GALNTL6: variants seen among roughly 807,000 people sequenced by gnomAD.
GALNTL6 encodes the protein polypeptide N-acetylgalactosaminyltransferase like 6, also known as polypeptide N-acetylgalactosaminyltransferase-like 6.
Under a neutral mutation model 73.7 loss-of-function variants are expected in GALNTL6, and 46 were observed. The observed-to-expected ratio is 0.62, with a 90% CI of 0.49 to 0.80. The LOEUF is 0.80. Among genes scored for constraint, GALNTL6 ranks in the 30% least tolerant of loss-of-function variants. The pLI, the probability that GALNTL6 is intolerant of heterozygous loss-of-function variation, is 0.00. For missense variants in GALNTL6, 604 were observed against 755.0 expected (o/e 0.80, Z 2.34); for synonymous variants, 259 against 263.7 (o/e 0.98, Z 0.17).
intron 9 of GALNTL6, among the ~76,000 whole-genome samples, chr4:172,940,805 TG>T (rs1160493691): frequency 6.6e-6 from 1 of 152,130 alleles, no homozygotes; most frequent in Non-Finnish European, 1.5e-5. Flanking sequence ...CCTAGGTAGC[TG>T]GGACTACAGG....
At chr4:172,248,538 G>A (rs1332984623) in intron 3 of GALNTL6, among the ~76,000 whole-genome samples, 1 of 152,138 alleles carries the variant, frequency 6.6e-6, no homozygotes, top group African/African-American at 2.4e-5. Context: ...CAGGCTCCCT[G>A]GAAAGCAGCA....
At chr4:172,719,907 CT>C (rs2111352782) in intron 5 of GALNTL6, among the ~76,000 whole-genome samples, 1 of 152,236 alleles carries the variant, frequency 6.6e-6, no homozygotes, top group East Asian at 1.9e-4. Flanking sequence ...CATGCCTCCC[CT>C]TTTTAGACAA....
rs913943857 is a variant in GALNTL6, at chr4:172,882,705, T to C, written c.924-85T>C. On this transcript the variant is annotated intron_variant, in intron 7 of 12. Transcript: ENST00000506823. ...CCACACAGCTGACCACTAAAACATA[T>C]CTTGAATTTTACTTTTTTCCCAAGG... 1.2e-5 allele frequency: 11 copies of C among 899,234 alleles called. No homozygotes were observed. In the Admixed American group the frequency reaches 1.4e-4, roughly 11 times the overall value. 55.7% of individuals were successfully genotyped at this position (899,234 alleles called of 1,614,324 possible). A position where few individuals can be genotyped will look rare whatever the true frequency, so the allele number is the denominator to read the frequency against.
At chr4:172,925,793 C>T (rs564947992) in intron 8 of GALNTL6, among the ~76,000 whole-genome samples, 1 of 152,274 alleles carries the variant, frequency 6.6e-6, no homozygotes, top group Admixed American at 6.5e-5. Context: ...GATGGAGAAC[C>T]TTGTTGAGCC....
Position 172,825,109 on chromosome 4 carries a change from TCTTTCTTTCTTTCTTTCTTTCTTC to T in GALNTL6, c.923+11396_923+11419del, listed in dbSNP as rs201689144. On this transcript the variant is annotated intron_variant, in intron 7 of 12. Transcript: ENST00000506823. ...TTCTTTCTTTCTTTCTTTCTTTCTT[TCTTTCTTTCTTTCTTTCTTTCTTC>T]CTTTCTTTCCTTTTTGGTCTAATAC... is the stretch of plus-strand genomic sequence containing the variant. 9.3e-4 allele frequency among the ~76,000 whole-genome samples: 137 copies of T among 147,356 alleles called. 2 individuals carry two copies. In the East Asian group the frequency reaches 0.024, roughly 26 times the overall value.
chr4:172,770,168 A>G (rs1738678740), intron 5 of GALNTL6, among the ~76,000 whole-genome samples: 1 of 151,980 alleles, frequency 6.6e-6, no homozygotes, highest in Non-Finnish European at 1.5e-5. Context: ...TGGGAGGCTG[A>G]GGCAGGAGAA....
chr4:172,983,827 A>G (rs567646175), intron 10 of GALNTL6, among the ~76,000 whole-genome samples: 2 of 152,290 alleles, frequency 1.3e-5, no homozygotes, highest in Admixed American at 6.5e-5. Context: ...CCTGATTAGC[A>G]TTACAAATGG....
intron 2 of GALNTL6, among the ~76,000 whole-genome samples, chr4:172,168,477 C>A (rs183165975): frequency 6.6e-6 from 1 of 151,902 alleles, no homozygotes; most frequent in Non-Finnish European, 1.5e-5. Flanking sequence ...CTATCCAGTG[C>A]GGATGATGAT....
chr4:172,482,248 C>T (rs559633191), intron 5 of GALNTL6, among the ~76,000 whole-genome samples: 107 of 152,326 alleles, frequency 7.0e-4, no homozygotes, highest in African/African-American at 2.5e-3. Flanking sequence ...CCCACCTGCG[C>T]CTCTCCCTCC....
Position 172,783,614 on chromosome 4 carries a change from G to A in GALNTL6, c.554-25747G>A, listed in dbSNP as rs192309914. ...GTGGCTTAAAACAACACAATTTATC[G>A]TACAGTTCTGGAAGCCAGAAGTTAA... On this transcript the variant is annotated intron_variant, in intron 5 of 12. Transcript: ENST00000506823. Among the ~76,000 whole-genome samples the A allele has an allele frequency of 4.4e-4, 67 of 151,350 alleles. 1 individual carries two copies. The South Asian group carries it at 5.6e-3, about 13-fold the overall frequency.
chr4:172,200,340 A>G (rs1163412997), intron 2 of GALNTL6, among the ~76,000 whole-genome samples: 7 of 152,324 alleles, frequency 4.6e-5, no homozygotes, highest in African/African-American at 1.4e-4. Flanking sequence ...GCTCATGGCT[A>G]GACATTGATT....
At position 172,809,622 on chromosome 4, in the gene GALNTL6, T is replaced by A. The variant is rs1398034892; in HGVS notation, c.739+76T>A. On this transcript the variant is annotated intron_variant, in intron 6 of 12. Coordinates refer to ENST00000506823, the MANE Select transcript of GALNTL6 (RefSeq NM_001034845.3). The surrounding 1 kb of genome is among the most constrained non-coding windows in gnomAD (Gnocchi z 4.4). The stretch of plus-strand genomic sequence containing the variant: ...CGGTTTGCTTCTATTTAGTTTGCAA[T>A]CAGCAAACACTAGAGGTCCCTTCTA... The A allele has an allele frequency of 8.3e-7, 1 of 1,204,106 alleles. No individual in the cohort carries two copies. The highest frequency in any genetic ancestry group is 1.5e-5 in the African/African-American group (1 of 65,682). The allele number at this position is 1,204,106 out of a possible 1,614,324, so 74.6% of individuals were successfully genotyped here. A position where few individuals can be genotyped will look rare whatever the true frequency, so the allele number is the denominator to read the frequency against.
chr4:172,379,505 C>A (rs1329335641), intron 5 of GALNTL6, among the ~76,000 whole-genome samples: 2 of 130,084 alleles, frequency 1.5e-5, no homozygotes, highest in African/African-American at 5.5e-5. Flanking sequence ...AGTCCGCAGT[C>A]CGGCCTGGGC....
At position 171,914,169 on chromosome 4, in the gene GALNTL6, G is replaced by A. The variant is rs115602151; in HGVS notation, c.138+99451G>A. 5.0e-3 allele frequency among the ~76,000 whole-genome samples: 768 copies of A among 152,210 alleles called. 13 individuals are homozygous for A. The highest frequency in any genetic ancestry group is 0.017 in the African/African-American group (723 of 41,556). Reference sequence around the variant, plus strand: ...CCCCCACACATGACATAGGAATATAGAGGTAAGTAATAAAACACCCCTAGC... The same window carrying A: ...CCCCCACACATGACATAGGAATATAAAGGTAAGTAATAAAACACCCCTAGC... On this transcript the variant is annotated intron_variant, in intron 2 of 12. Coordinates refer to ENST00000506823, the MANE Select transcript of GALNTL6 (RefSeq NM_001034845.3).
chr4:171,865,019 A>T (rs916474550), intron 2 of GALNTL6, among the ~76,000 whole-genome samples: 6 of 151,866 alleles, frequency 4.0e-5, no homozygotes, highest in African/African-American at 1.5e-4. Context: ...GGTGGTGTGC[A>T]CCTCTAATCC....
rs5864129 is a variant in GALNTL6, at chr4:172,357,634, TAC to T, written c.553+8978_553+8979del. ...ATATATGTATATATATATAGATATA[TAC>T]ACACACACACACACACACACACACA... On this transcript the variant is annotated intron_variant, in intron 5 of 12. Transcript: ENST00000506823. Among the ~76,000 whole-genome samples the T allele has an allele frequency of 6.0e-3, 875 of 145,834 alleles. 6 individuals carry two copies. The highest frequency in any genetic ancestry group is 0.02 in the African/African-American group (785 of 38,378).
chr4:172,226,602 T>C (rs997592834), intron 2 of GALNTL6, among the ~76,000 whole-genome samples: 23 of 31,672 alleles, frequency 7.3e-4, no homozygotes, highest in Non-Finnish European at 1.3e-3. Flanking sequence ...TGTGTGTGTG[T>C]TTCTGTGTGT....
chr4:171,927,306 TAGA>T (rs1336923277), intron 2 of GALNTL6, among the ~76,000 whole-genome samples: 3 of 152,286 alleles, frequency 2.0e-5, no homozygotes, highest in South Asian at 2.1e-4. Flanking sequence ...TTTTGTTTTT[TAGA>T]AGAAGAGTCA....
At chr4:172,194,136 G>A (rs1735676604) in intron 2 of GALNTL6, among the ~76,000 whole-genome samples, 1 of 152,140 alleles carries the variant, frequency 6.6e-6, no homozygotes, top group Non-Finnish European at 1.5e-5. Flanking sequence ...GTTTAGAGAG[G>A]AACATAAATG....
Sources: gnomAD v4.1 joint callset for allele counts (sites outside exome capture counted in the v4.1 genomes callset) on GRCh38, gnomAD v4.1.1 for gene constraint, Gnocchi (gnomAD v3.1) non-coding constraint, MANE v1.5 for transcripts, NCBI Gene and HGNC (gene_info 2026-07-23, HGNC 2026-07-21) for gene names.